BSG: variants seen among roughly 807,000 people sequenced by gnomAD.
BSG encodes the protein basigin.
Under a neutral mutation model 43.1 loss-of-function variants are expected in BSG, and 37 were observed. The ratio of observed to expected loss-of-function variants is 0.86; its 90% CI spans 0.66 to 1.13. The LOEUF (loss-of-function observed/expected upper bound fraction) is 1.13, where lower values mean the gene tolerates loss of function less well. Ranked by LOEUF, BSG falls within the 50% of genes most tolerant of loss-of-function variation. The probability of loss-of-function intolerance (pLI) is 0.00; values close to 1 mark genes in which losing one functional copy is unlikely to be tolerated. For missense variants in BSG, 599 were observed against 554.2 expected (o/e 1.08, Z -0.81); for synonymous variants, 309 against 238.7 (o/e 1.29, Z -2.72).
chr19:581,699 G>A, intron 6 of BSG, 108 bp downstream of exon 6: 1 of 1,387,220 alleles, frequency 7.2e-7, no homozygotes, highest in East Asian at 2.5e-5. Context: ...TGGAACTGAG[G>A]AGCCCCAGGC....
At chr19:571,543 C>T (rs374174068), upstream of BSG, 2 of 779,486 alleles carry the variant, frequency 2.6e-6, no homozygotes, top group Non-Finnish European at 4.8e-6. Flanking sequence ...CCTGAGGCCC[C>T]CACAATGAAG....
chr19:576,701 C>T (rs964217159), intron 1 of BSG, among the ~76,000 whole-genome samples: 4 of 150,786 alleles, frequency 2.7e-5, no homozygotes, highest in African/African-American at 9.8e-5. Context: ...GCAGAGGTTG[C>T]GGTGAGCTGA....
chr19:578,421 G>T (rs1981977903), intron 2 of BSG, among the ~76,000 whole-genome samples: 1 of 152,250 alleles, frequency 6.6e-6, no homozygotes, highest in African/African-American at 2.4e-5. Flanking sequence ...CCGGGCGCCT[G>T]CCCGGCTCCC....
At chr19:577,167 G>T (rs1410750230) in intron 1 of BSG, among the ~76,000 whole-genome samples, 1 of 152,146 alleles carries the variant, frequency 6.6e-6, no homozygotes, top group African/African-American at 2.4e-5. Flanking sequence ...GCCTTCCCTT[G>T]CATTTCGAAG....
At chr19:580,593 G>T in intron 4 of BSG, 53 bp from the exon 5 acceptor site, 1 of 1,609,144 alleles carries the variant, frequency 6.2e-7, no homozygotes, top group South Asian at 1.1e-5. Context: ...CGGGAGGCCG[G>T]GGATGGGGGC....
chr19:580,303 G>T, intron 3 of BSG, 76 bp from the exon 4 acceptor site: 1 of 1,364,852 alleles, frequency 7.3e-7, no homozygotes, highest in Non-Finnish European at 1.0e-6. Flanking sequence ...CCGTGGTTGG[G>T]CCCCTGGAGA....
rs145916692 is a variant in BSG at position 580,437 on chromosome 19, G to A, written c.631G>A (p.Gly211Ser). The A allele has an allele frequency of 1.6e-5, 26 of 1,611,028 alleles. No individual in the cohort carries two copies. The highest frequency in any genetic ancestry group is 2.1e-5 in the Non-Finnish European group (25 of 1,179,924). ...YSCVFLPEPM[G>S]TANIQLHGPP... ...CTGCGTCTTCCTCCCCGAGCCCATGGGCACGGCCAACATCCAGCTCCACGG... is the reference window on the plus strand; with the variant it reads ...CTGCGTCTTCCTCCCCGAGCCCATGAGCACGGCCAACATCCAGCTCCACGG... Residue 211 changes from glycine (G) to serine (S), a missense_variant, in exon 4 of 9, where the codon GGC becomes AGC. By Grantham distance (56) the Gly-to-Ser change is moderately conservative. Coordinates refer to ENST00000333511, the MANE Select transcript of BSG (RefSeq NM_001728.4).
chr19:580,389 G>C lies in BSG; in HGVS notation c.583G>C (p.Asp195His), dbSNP rs202113312. 2.7e-4 allele frequency: 434 copies of C among 1,610,916 alleles called. 9 individuals are homozygous for C. In the East Asian group the frequency reaches 5.2e-3, roughly 19 times the overall value. Residue 195 changes from aspartate to histidine, a missense_variant, in exon 4 of 9, where the codon GAC becomes CAC. Coordinates refer to ENST00000333511, the MANE Select transcript of BSG (RefSeq NM_001728.4). Reference sequence around the variant, plus strand: ...CTGCTGTGGTTGCAGGGTGGACTCCGACGACCAGTGGGGAGAGTACTCCTG... The same window carrying C: ...CTGCTGTGGTTGCAGGGTGGACTCCCACGACCAGTGGGGAGAGTACTCCTG... ...GQKTEFKVDSDDQWGEYSCVF... is the reference protein window; with the variant it reads ...GQKTEFKVDSHDQWGEYSCVF...
chr19:579,575 CAG>C lies in BSG; in HGVS notation c.494_495del (p.Glu165GlyfsTer87). On this transcript the variant is annotated frameshift_variant, in exon 3 of 9. Transcript: ENST00000333511. LOFTEE classifies it high-confidence loss of function. ...ACCTGCTCCTTGAATGACAGCGCCA[CAG>C]AGGTCACAGGGCACCGCTGGCTGAA... is the stretch of plus-strand genomic sequence containing the variant. The C allele has an allele frequency of 6.2e-7, 1 of 1,612,748 alleles. No individual in the cohort carries two copies. The highest frequency in any genetic ancestry group is 8.5e-7 in the Non-Finnish European group (1 of 1,179,926).
chr19:582,158 C>A, intron 6 of BSG, 148 bp from the exon 7 acceptor site: 1 of 952,144 alleles, frequency 1.1e-6, no homozygotes, highest in Non-Finnish European at 1.6e-6. Flanking sequence ...ATGCACGTGG[C>A]CGGGGCTGAT....
chr19:571,720 G>C (rs1034376071), upstream of BSG: 2 of 694,504 alleles, frequency 2.9e-6, no homozygotes, highest in African/African-American at 1.8e-5. Flanking sequence ...GGCTGCCTGC[G>C]TGGGATGCAA....
At chr19:580,567 GGGAA>G in intron 4 of BSG, 75 bp from the exon 5 acceptor site, 1 of 1,605,720 alleles carries the variant, frequency 6.2e-7, no homozygotes, top group East Asian at 2.2e-5. Flanking sequence ...CTCCCTGGAG[GGGAA>G]CAGCCCTCCT....
At chr19:572,726 G>A (rs1279936450) in intron 1 of BSG, 25 bp downstream of exon 1, 6 of 1,460,628 alleles carry the variant, frequency 4.1e-6, no homozygotes, top group East Asian at 6.0e-5. Flanking sequence ...GGGGGCGGGG[G>A]TGCGGTCCTG....
In BSG at chr19:582,163, G is replaced by C. The variant is rs574442476; in HGVS notation, c.1070-143G>C. ...CACTCAGAAGATGCACGTGGCCGGG[G>C]CTGATGAGCTGCCCCGAGCCACCCC... On this transcript the variant is annotated intron_variant, in intron 6 of 8. Coordinates refer to ENST00000333511, the MANE Select transcript of BSG (RefSeq NM_001728.4). 7.8e-5 allele frequency: 79 copies of C among 1,017,512 alleles called. No homozygotes were observed. The African/African-American group carries it at 1.2e-3, about 15-fold the overall frequency. The allele number at this position is 1,017,512 out of a possible 1,614,324, so 63.0% of individuals were successfully genotyped here.
At chr19:572,194 C>T (rs1042048635), upstream of BSG, 1 of 180,686 alleles carries the variant, frequency 5.5e-6, no homozygotes, top group Non-Finnish European at 1.1e-5. Context: ...CCGCCTCGAC[C>T]TCCCAAGGCT....
chr19:574,531 C>G (rs1025810546), intron 1 of BSG, among the ~76,000 whole-genome samples: 1 of 150,880 alleles, frequency 6.6e-6, no homozygotes, highest in Admixed American at 6.6e-5. Context: ...CCAGCCTGGG[C>G]GACAGAGCGA....
At chr19:579,710 C>A in intron 3 of BSG, 54 bp downstream of exon 3, 1 of 1,554,700 alleles carries the variant, frequency 6.4e-7, no homozygotes, top group South Asian at 1.2e-5. Flanking sequence ...GGCTCTCTTG[C>A]CGCCAGCGGC....
chr19:582,379 C>T (rs1333707315), intron 7 of BSG, 49 bp downstream of exon 7: 1 of 1,596,606 alleles, frequency 6.3e-7, no homozygotes, highest in African/African-American at 1.4e-5. Context: ...GGCCTGCTGC[C>T]CCAGGCCTTT....
rs1381530684 is a variant in BSG, at chr19:582,983, G to A, written c.*239G>A. 7 of 219,710 alleles carry A rather than the reference G, an allele frequency of 3.2e-5. No homozygotes were observed. Among genetic ancestry groups the A allele is most frequent in the Admixed American group, 1.1e-4 (2 of 19,034 alleles). 13.6% of individuals were successfully genotyped at this position (219,710 alleles called of 1,614,324 possible). On this transcript the variant is annotated 3_prime_UTR_variant, in exon 9 of 9. Coordinates refer to ENST00000333511, the MANE Select transcript of BSG (RefSeq NM_001728.4). Reference sequence around the variant, plus strand: ...CCGGGAGCTGCTGCCCTGCGGCCCCGTCTGTGGCTTTCAGCCTCTGGGTCT... The same window carrying A: ...CCGGGAGCTGCTGCCCTGCGGCCCCATCTGTGGCTTTCAGCCTCTGGGTCT...
Sources: gnomAD v4.1 joint callset for allele counts (sites outside exome capture counted in the v4.1 genomes callset) on GRCh38, gnomAD v4.1.1 for gene constraint, MANE v1.5 for transcripts, NCBI Gene and HGNC (gene_info 2026-07-23, HGNC 2026-07-21) for gene names.